The following GYG1 variants were observed in gnomAD, a reference collection of about 807,000 sequenced individuals.
GYG1 encodes the protein glycogenin 1.
Under a neutral mutation model 41.9 loss-of-function variants are expected in GYG1, and 44 were observed. That is an observed-to-expected ratio of 1.05 (90% CI 0.83 to 1.35). GYG1 has a LOEUF of 1.35. GYG1 is among the 40% of genes most tolerant of loss of function. The probability of loss-of-function intolerance (pLI) is 0.00; values close to 1 mark genes in which losing one functional copy is unlikely to be tolerated. For missense variants in GYG1, 429 were observed against 418.9 expected, an observed-to-expected ratio of 1.02 and a Z score of -0.21; for synonymous variants, 141 against 158.1, an observed-to-expected ratio of 0.89 and a Z score of 0.81.
chr3:149,022,730 G>A (rs1309152923), intron 5 of GYG1, among the ~76,000 whole-genome samples: 2 of 151,696 alleles, frequency 1.3e-5, no homozygotes, highest in African/African-American at 2.4e-5. Flanking sequence ...TCCTGACCTC[G>A]TGATTTGCCT....
At chr3:149,020,895 A>G (rs1192082453) in intron 5 of GYG1, among the ~76,000 whole-genome samples, 1 of 152,114 alleles carries the variant, frequency 6.6e-6, no homozygotes, top group Non-Finnish European at 1.5e-5. Context: ...GGTGGAAGGA[A>G]TATCTCATTC....
intron 5 of GYG1, among the ~76,000 whole-genome samples, chr3:149,023,746 G>A (rs1714492095): frequency 2.0e-5 from 3 of 152,154 alleles, no homozygotes; most frequent in Non-Finnish European, 2.9e-5. Context: ...GAATAGGGAG[G>A]CCAAGGCAGG....
intron 5 of GYG1, among the ~76,000 whole-genome samples, chr3:149,015,411 G>C (rs979531598): frequency 6.6e-6 from 1 of 152,144 alleles, no homozygotes; most frequent in Non-Finnish European, 1.5e-5. Flanking sequence ...TTGACCCAAT[G>C]GCAGGAAGAT....
intron 4 of GYG1, among the ~76,000 whole-genome samples, chr3:149,006,080 CTTTTTTTTTTT>C (rs34268321): frequency 7.7e-5 from 9 of 117,224 alleles, no homozygotes; most frequent in Admixed American, 2.8e-4. Context: ...TCATCATATT[CTTTTTTTTTTT>C]TTTTTTTTTG....
chr3:149,018,159 T>C (rs1714176024), intron 5 of GYG1, among the ~76,000 whole-genome samples: 4 of 152,168 alleles, frequency 2.6e-5, no homozygotes, highest in Admixed American at 2.6e-4. Context: ...TGATAGAAAA[T>C]GATCTTTTAA....
At chr3:149,025,301 G>C (rs903537997) in intron 6 of GYG1, among the ~76,000 whole-genome samples, 2 of 152,166 alleles carry the variant, frequency 1.3e-5, no homozygotes, top group African/African-American at 4.8e-5. Context: ...ACACAACCTA[G>C]ATCCGTTGCA....
Position 149,014,968 on chromosome 3 carries a change from A to AT in GYG1, c.608+5574dup, listed in dbSNP as rs112775091. Among the ~76,000 whole-genome samples the AT allele has an allele frequency of 5.6e-3, 856 of 152,052 alleles. 10 individuals carry two copies. Among genetic ancestry groups the AT allele is most frequent in the African/African-American group, 0.019 (803 of 41,478 alleles). On this transcript the variant is annotated intron_variant, in intron 5 of 7. Coordinates refer to ENST00000345003, the MANE Select transcript of GYG1 (RefSeq NM_004130.4). ...GTATGTTTTGTTTGTGCTACACAGA[A>AT]TTTTTTTTAACTTAATTGTCAATGC...
chr3:149,016,814 G>C (rs1714077946), intron 5 of GYG1, among the ~76,000 whole-genome samples: 1 of 152,206 alleles, frequency 6.6e-6, no homozygotes, highest in Non-Finnish European at 1.5e-5. Context: ...GAGGAGAGGT[G>C]TGCAGTTGGT....
chr3:149,001,606 A>G lies in GYG1; in HGVS notation c.481+4702A>G, dbSNP rs371551636. On this transcript the variant is annotated intron_variant, in intron 4 of 7. Transcript: ENST00000345003. The stretch of plus-strand genomic sequence containing the variant: ...ACAGTCCTGTGAGGTAGGCATTCAT[A>G]CATCCATTCATATAACAAATATTAA... 77 of 152,332 alleles carry G rather than the reference A, an allele frequency of 5.1e-4. 1 individual carries two copies. The highest frequency in any genetic ancestry group is 1.9e-3 in the African/African-American group (77 of 41,564). The allele number at this position is 152,332 out of a possible 1,614,324, so 9.4% of individuals were successfully genotyped here. A position where few individuals can be genotyped will look rare whatever the true frequency, so the allele number is the denominator to read the frequency against.
chr3:148,998,885 G>A (rs1368060663), intron 4 of GYG1, among the ~76,000 whole-genome samples: 3 of 152,154 alleles, frequency 2.0e-5, no homozygotes, highest in African/African-American at 7.2e-5. Context: ...TAATTTGAAG[G>A]AAGTAAGTGT....
chr3:149,004,134 G>A (rs1320502148), intron 4 of GYG1: 5 of 152,252 alleles, frequency 3.3e-5, no homozygotes, highest in African/African-American at 1.2e-4. Context: ...CAAAACAGAT[G>A]CGATGTGCCC....
intron 4 of GYG1, among the ~76,000 whole-genome samples, chr3:149,008,593 C>G (rs1713543574): frequency 6.6e-6 from 1 of 152,236 alleles, no homozygotes; most frequent in Admixed American, 6.5e-5. Context: ...AAGCCACTTC[C>G]ACGTGTGCCT....
intron 4 of GYG1, among the ~76,000 whole-genome samples, chr3:149,005,285 A>G (rs952950620): frequency 1.3e-5 from 2 of 152,166 alleles, no homozygotes; most frequent in Non-Finnish European, 2.9e-5. Flanking sequence ...TGTATTACTA[A>G]TATTTTAGCA....
rs1410624570 is a variant in GYG1 at position 149,026,415 on chromosome 3, C to A, written c.829-37C>A. ...TTATCTTGAGACTTGTGTTCCCTTG[C>A]CCATCCATCTTACACTTTCTAATGA... is the stretch of plus-strand genomic sequence containing the variant. On this transcript the variant is annotated intron_variant, in intron 6 of 7. Coordinates refer to ENST00000345003, the MANE Select transcript of GYG1 (RefSeq NM_004130.4). The A allele has an allele frequency of 5.3e-6, 7 of 1,327,008 alleles. No homozygotes were observed. In the South Asian group the frequency reaches 7.0e-5, roughly 13 times the overall value. The allele number at this position is 1,327,008 out of a possible 1,614,324, so 82.2% of individuals were successfully genotyped here. A position where few individuals can be genotyped will look rare whatever the true frequency, so the allele number is the denominator to read the frequency against.
intron 5 of GYG1, among the ~76,000 whole-genome samples, chr3:149,023,762 T>C (rs969094893): frequency 1.3e-5 from 2 of 152,020 alleles, no homozygotes; most frequent in Non-Finnish European, 2.9e-5. Flanking sequence ...GCAGGAGAAA[T>C]CACTTCAGGG....
chr3:149,005,021 G>A (rs1713312841), intron 4 of GYG1, among the ~76,000 whole-genome samples: 1 of 152,186 alleles, frequency 6.6e-6, no homozygotes, highest in African/African-American at 2.4e-5. Flanking sequence ...TACGATTTAG[G>A]CCTCTGTGGA....
intron 5 of GYG1, among the ~76,000 whole-genome samples, chr3:149,023,338 C>G (rs1714471194): frequency 6.6e-6 from 1 of 152,186 alleles, no homozygotes; most frequent in Admixed American, 6.5e-5. Context: ...ACTTGCTGAG[C>G]AGAAATCTAA....
intron 5 of GYG1, among the ~76,000 whole-genome samples, chr3:149,019,133 C>A (rs1714226559): frequency 6.6e-6 from 1 of 151,662 alleles, no homozygotes; most frequent in African/African-American, 2.4e-5. Flanking sequence ...CATTTCCATT[C>A]CTTACTGGAC....
chr3:148,998,434 A>G (rs1470570772), intron 4 of GYG1, among the ~76,000 whole-genome samples: 1 of 152,198 alleles, frequency 6.6e-6, no homozygotes, highest in East Asian at 1.9e-4. Flanking sequence ...TAAACATCCT[A>G]CAATGCACAA....
Sources: gnomAD v4.1 joint callset for allele counts (sites outside exome capture counted in the v4.1 genomes callset) on GRCh38, gnomAD v4.1.1 for gene constraint, MANE v1.5 for transcripts, NCBI Gene and HGNC (gene_info 2026-07-23, HGNC 2026-07-21) for gene names.